Variants in TRIO observed in about 807,000 individuals in gnomAD.
TRIO encodes the protein triple functional domain protein.
TRIO carries 58 observed loss-of-function variants against 351.9 expected under a neutral mutation model. That is an observed-to-expected ratio of 0.16 (90% CI 0.13 to 0.21). The LOEUF is 0.21. TRIO is among the 10% of genes least tolerant of loss of function. TRIO has a pLI of 1.00. For missense variants in TRIO, 3,201 were observed against 4,027.8 expected, an observed-to-expected ratio of 0.79 and a Z score of 5.56; for synonymous variants, 1,758 against 1,595.7, an observed-to-expected ratio of 1.10 and a Z score of -2.42.
chr5:14,146,764 C>T (rs72740385), intron 1 of TRIO, among the ~76,000 whole-genome samples: 12,196 of 152,248 alleles, frequency 0.08, 561 homozygotes, highest in Middle Eastern at 0.16. Context: ...TTCTCTGAGT[C>T]CTCAGTGCCT....
Position 14,509,158 on chromosome 5 carries a change from T to C in TRIO, c.*736T>C, listed in dbSNP as rs967239885. ...AGGTTGGGTCCTGCCCCACTGCCCC[T>C]CCCCCTGTTCCTGCCCCAAGCCGTC... is the stretch of plus-strand genomic sequence containing the variant. On this transcript the variant is annotated 3_prime_UTR_variant, in exon 57 of 57. Transcript: ENST00000344204. The C allele has an allele frequency of 4.1e-6, 1 of 241,664 alleles. No individual in the cohort carries two copies. Among genetic ancestry groups the C allele is most frequent in the South Asian group, 3.8e-5 (1 of 26,074 alleles). The allele number at this position is 241,664 out of a possible 1,614,324, so 15.0% of individuals were successfully genotyped here.
Position 14,389,392 on chromosome 5 carries a change from A to T in TRIO, c.4052A>T (p.His1351Leu). 6.2e-7 allele frequency: 1 copy of T among 1,608,118 alleles called. No individual in the cohort carries two copies. The change falls in exon 25 of 57, where the codon CAT becomes CTT. Residue 1351 changes from histidine (H) to leucine (L), a missense_variant. By Grantham distance (99) the His-to-Leu change is moderately conservative (BLOSUM62 -3). Transcript: ENST00000344204. ...FGNMQEIYEF[H>L]NNIFLKELEK... ...AACATGCAAGAAATCTACGAATTTC[A>T]TAATAAGTGAGTGGCTTTTTCTTTG...
At chr5:14,502,716 G>C in intron 54 of TRIO, 59 bp downstream of exon 54, 2 of 1,513,928 alleles carry the variant, frequency 1.3e-6, no homozygotes, top group East Asian at 2.3e-5. Context: ...AGACATACCA[G>C]AGAGTGCAGG....
chr5:14,173,190 CTTTTT>C (rs758636385), intron 1 of TRIO, among the ~76,000 whole-genome samples: 4 of 66,488 alleles, frequency 6.0e-5, no homozygotes, highest in African/African-American at 7.6e-5. Flanking sequence ...TTGTATGTTC[CTTTTT>C]TTTTTTTTTT....
At chr5:14,440,335 C>T (rs1238203784) in intron 34 of TRIO, among the ~76,000 whole-genome samples, 1 of 152,082 alleles carries the variant, frequency 6.6e-6, no homozygotes, top group Non-Finnish European at 1.5e-5. Context: ...TGGAGGGCAC[C>T]GAGGAACAGG....
chr5:14,399,334 T>C (rs1747875385), intron 30 of TRIO: 1 of 455,096 alleles, frequency 2.2e-6, no homozygotes, highest in Non-Finnish European at 3.9e-6. Context: ...AGAAAACATT[T>C]CATAAGTGAA....
chr5:14,174,132 A>G (rs951816254), intron 1 of TRIO, among the ~76,000 whole-genome samples: 1 of 152,212 alleles, frequency 6.6e-6, no homozygotes, highest in African/African-American at 2.4e-5. Context: ...AATGAGCGCT[A>G]GTTGCCTTCC....
At chr5:14,317,708 T>C (rs567076824) in intron 9 of TRIO, among the ~76,000 whole-genome samples, 2 of 152,308 alleles carry the variant, frequency 1.3e-5, no homozygotes, top group Admixed American at 6.5e-5. Context: ...AGACGTTGAA[T>C]GGGCCAGGTG....
intron 48 of TRIO, 118 bp from the exon 49 acceptor site, chr5:14,492,449 C>T (rs1756557641): frequency 7.1e-7 from 1 of 1,402,158 alleles, no homozygotes; most frequent in Non-Finnish European, 9.7e-7. Flanking sequence ...CGGTGCTTGC[C>T]TGGTGAGCCC....
At chr5:14,175,817 C>T (rs16903257) in intron 1 of TRIO, among the ~76,000 whole-genome samples, 6,377 of 152,228 alleles carry the variant, frequency 0.042, 264 homozygotes, top group African/African-American at 0.1. Flanking sequence ...TGAAAATAGA[C>T]GGGATACCTA....
intron 1 of TRIO, among the ~76,000 whole-genome samples, chr5:14,209,310 G>A (rs1791735633): frequency 6.6e-6 from 1 of 152,148 alleles, no homozygotes; most frequent in Admixed American, 6.5e-5. Context: ...AACTATATTT[G>A]CCATCATTTC....
At chr5:14,333,027 A>C (rs1448379578) in intron 10 of TRIO, among the ~76,000 whole-genome samples, 2 of 152,126 alleles carry the variant, frequency 1.3e-5, no homozygotes, top group Non-Finnish European at 2.9e-5. Context: ...ACCAGTTTTT[A>C]CTAAAGACGG....
chr5:14,222,848 C>G (rs956992575), intron 1 of TRIO, among the ~76,000 whole-genome samples: 6 of 152,220 alleles, frequency 3.9e-5, no homozygotes, highest in Admixed American at 1.3e-4. Context: ...TGTTAAGGCG[C>G]GGGCTTGGTA....
chr5:14,232,541 G>A (rs16903317), intron 1 of TRIO, among the ~76,000 whole-genome samples: 5,955 of 152,224 alleles, frequency 0.039, 406 homozygotes, highest in African/African-American at 0.14. Flanking sequence ...GAATTGTCTG[G>A]CATCATTGCT....
At chr5:14,326,702 C>T (rs536080020) in intron 9 of TRIO, among the ~76,000 whole-genome samples, 6 of 152,188 alleles carry the variant, frequency 3.9e-5, no homozygotes, top group South Asian at 2.1e-4. Flanking sequence ...GGGAAGGGGG[C>T]GGAGGTGCAG....
chr5:14,471,549 G>C (rs1278048650), intron 38 of TRIO, 83 bp downstream of exon 38: 1 of 1,567,220 alleles, frequency 6.4e-7, no homozygotes, highest in African/African-American at 1.4e-5. Flanking sequence ...CTGAGATTCA[G>C]CTCTGAATTA....
chr5:14,395,080 A>G (rs1167803748), intron 28 of TRIO, among the ~76,000 whole-genome samples: 1 of 152,218 alleles, frequency 6.6e-6, no homozygotes, highest in Non-Finnish European at 1.5e-5. Context: ...TAGATATAAA[A>G]GAAATTTAGA....
chr5:14,378,245 G>A (rs1745741921), intron 20 of TRIO, 118 bp downstream of exon 20: 1 of 680,248 alleles, frequency 1.5e-6, no homozygotes, highest in Non-Finnish European at 2.5e-6. Flanking sequence ...ATGACAAACA[G>A]TATAGCCTTC....
At chr5:14,212,705 C>T (rs552304641) in intron 1 of TRIO, among the ~76,000 whole-genome samples, 1 of 152,270 alleles carries the variant, frequency 6.6e-6, no homozygotes, top group Non-Finnish European at 1.5e-5. Flanking sequence ...ATTACCCTAT[C>T]CTGACCAGTG....
Sources: gnomAD v4.1 joint callset for allele counts (sites outside exome capture counted in the v4.1 genomes callset) on GRCh38, gnomAD v4.1.1 for gene constraint, MANE v1.5 for transcripts, NCBI Gene and HGNC (gene_info 2026-07-23, HGNC 2026-07-21) for gene names.